Variants in HTR2C observed in about 807,000 individuals in gnomAD.
The protein encoded by HTR2C is 5-hydroxytryptamine receptor 2C.
Under a neutral mutation model 21.0 loss-of-function variants are expected in HTR2C, and 5 were observed. The observed-to-expected ratio is 0.24, with a 90% CI of 0.12 to 0.50. The LOEUF is 0.50. Ranked by LOEUF, HTR2C falls within the 20% of genes least tolerant of loss-of-function variation. The pLI, the probability that HTR2C is intolerant of heterozygous loss-of-function variation, is 0.98. For missense variants in HTR2C, 271 were observed against 371.2 expected (o/e 0.73, Z 2.22); for synonymous variants, 150 against 145.3 (o/e 1.03, Z -0.23).
At chrX:114,817,634 C>A (rs1184822053) in intron 4 of HTR2C, among the ~76,000 whole-genome samples, 1 of 111,226 alleles carries the variant, frequency 9.0e-6, no homozygotes, top group Non-Finnish European at 1.9e-5. Context: ...GCCTTAAAAA[C>A]CAACATCCTA....
chrX:114,702,985 G>T (rs1932598464), intron 2 of HTR2C, among the ~76,000 whole-genome samples: 1 of 70,853 alleles, frequency 1.4e-5, no homozygotes, highest in Admixed American at 2.0e-4. Context: ...AACGGTAAAG[G>T]GATCAGTTCA....
At chrX:114,899,908 T>G (rs1451611732) in intron 5 of HTR2C, among the ~76,000 whole-genome samples, 3 of 111,758 alleles carry the variant, frequency 2.7e-5, no homozygotes, top group African/African-American at 6.5e-5. Flanking sequence ...AATTTTACCT[T>G]CATTTATGAA....
chrX:114,746,225 T>C (rs1556426070), intron 4 of HTR2C, among the ~76,000 whole-genome samples: 1 of 111,078 alleles, frequency 9.0e-6, no homozygotes, highest in Non-Finnish European at 1.9e-5. Context: ...CTATACAACC[T>C]CTCCCAGAAA....
At chrX:114,877,096 G>T (rs1377642804) in intron 5 of HTR2C, among the ~76,000 whole-genome samples, 1 of 110,743 alleles carries the variant, frequency 9.0e-6, no homozygotes, top group Non-Finnish European at 1.9e-5. Flanking sequence ...TTGTTGGGAG[G>T]TTTCTGATTA....
At chrX:114,744,746 T>C (rs1460531437) in intron 4 of HTR2C, among the ~76,000 whole-genome samples, 2 of 111,387 alleles carry the variant, frequency 1.8e-5, no homozygotes, top group African/African-American at 6.5e-5. Flanking sequence ...GCCACCGCAC[T>C]CAGCCCCCCA....
intron 2 of HTR2C, among the ~76,000 whole-genome samples, chrX:114,623,908 T>G (rs1332120602): frequency 1.0e-4 from 9 of 86,004 alleles, no homozygotes; most frequent in African/African-American, 4.5e-4. Context: ...TTGTTGTTGT[T>G]TTTTTTTTTT....
At chrX:114,780,529 A>G (rs2070106742) in intron 4 of HTR2C, among the ~76,000 whole-genome samples, 1 of 111,500 alleles carries the variant, frequency 9.0e-6, no homozygotes, top group Non-Finnish European at 1.9e-5. Flanking sequence ...ACAGAGGTAA[A>G]CATGAACCAC....
chrX:114,775,897 T>G (rs782515571), intron 4 of HTR2C: 1 of 371,889 alleles, frequency 2.7e-6, no homozygotes, highest in East Asian at 4.7e-5. Context: ...AGGCAATGGA[T>G]GTACAGAAGT....
At chrX:114,837,295 A>G (rs1242952352) in intron 4 of HTR2C, among the ~76,000 whole-genome samples, 1 of 112,216 alleles carries the variant, frequency 8.9e-6, no homozygotes, top group Non-Finnish European at 1.9e-5. Flanking sequence ...TGATATCACA[A>G]GTAAATACAT....
chrX:114,768,619 C>T (rs900106965), intron 4 of HTR2C, among the ~76,000 whole-genome samples: 7 of 110,423 alleles, frequency 6.3e-5, no homozygotes, highest in African/African-American at 2.0e-4. Context: ...AATTAAATGA[C>T]CATTTCCCCA....
chrX:114,591,362 T>G (rs1320967368), intron 1 of HTR2C, among the ~76,000 whole-genome samples: 1 of 112,044 alleles, frequency 8.9e-6, no homozygotes, highest in Non-Finnish European at 1.9e-5. Context: ...ATAGATTTAT[T>G]TATTTAGTCA....
intron 4 of HTR2C, among the ~76,000 whole-genome samples, chrX:114,816,214 G>A (rs1174781836): frequency 3.7e-5 from 4 of 107,713 alleles, no homozygotes; most frequent in Non-Finnish European, 7.6e-5. Flanking sequence ...GACCAGGATG[G>A]AATCATAACT....
chrX:114,881,070 G>C (rs1479660797), intron 5 of HTR2C, among the ~76,000 whole-genome samples: 13 of 110,568 alleles, frequency 1.2e-4, no homozygotes, highest in African/African-American at 3.3e-4. Flanking sequence ...GTGTAAAGTG[G>C]TATCTCATTG....
chrX:114,751,163 T>C (rs1169511496), intron 4 of HTR2C, among the ~76,000 whole-genome samples: 1 of 111,760 alleles, frequency 8.9e-6, no homozygotes, highest in Non-Finnish European at 1.9e-5. Flanking sequence ...CAAGGTTATT[T>C]TAAATTCTCA....
chrX:114,862,398 T>C (rs1556473260), intron 5 of HTR2C, among the ~76,000 whole-genome samples: 1 of 110,651 alleles, frequency 9.0e-6, no homozygotes, highest in African/African-American at 3.3e-5. Flanking sequence ...TGTAATACTA[T>C]CTTAAAAAAG....
At chrX:114,849,028 T>G (rs985970945) in intron 5 of HTR2C, among the ~76,000 whole-genome samples, 40 of 112,026 alleles carry the variant, frequency 3.6e-4, no homozygotes, top group Non-Finnish European at 3.6e-4. Flanking sequence ...CTATTTAATC[T>G]TCACTAATAT....
At chrX:114,800,657 T>A (rs2070336882) in intron 4 of HTR2C, among the ~76,000 whole-genome samples, 1 of 111,553 alleles carries the variant, frequency 9.0e-6, no homozygotes, top group Non-Finnish European at 1.9e-5. Context: ...TAGCTGGTAA[T>A]AAGCTGAAAT....
At chrX:114,831,831 G>C (rs1432289938) in intron 4 of HTR2C, among the ~76,000 whole-genome samples, 2 of 100,329 alleles carry the variant, frequency 2.0e-5, no homozygotes, top group Non-Finnish European at 4.0e-5. Context: ...TATGGTTTTA[G>C]GTCTAACGTT....
intron 1 of HTR2C, among the ~76,000 whole-genome samples, chrX:114,600,392 A>G (rs1035992918): frequency 1.8e-5 from 2 of 112,235 alleles, no homozygotes; most frequent in Non-Finnish European, 3.8e-5. Flanking sequence ...TAAATGGAAG[A>G]CAAGTCAGGA....
Sources: allele counts gnomAD v4.1 joint callset (sites outside exome capture counted in the v4.1 genomes callset), GRCh38; gene constraint gnomAD v4.1.1; transcripts MANE v1.5; gene names NCBI Gene and HGNC (gene_info 2026-07-23, HGNC 2026-07-21).